The following LINGO2 variants were observed in gnomAD, a reference collection of about 807,000 sequenced individuals.
LINGO2 encodes leucine rich repeat and Ig domain containing 2.
Under a neutral mutation model 30.6 loss-of-function variants are expected in LINGO2, and 14 were observed. The ratio of observed to expected loss-of-function variants is 0.46; its 90% confidence interval spans 0.30 to 0.72. The LOEUF is 0.72. Among genes scored for constraint, LINGO2 ranks in the 30% least tolerant of loss-of-function variants. The pLI, the probability that LINGO2 is intolerant of heterozygous loss-of-function variation, is 0.07. For missense variants in LINGO2, 729 were observed against 751.7 expected (o/e 0.97, Z 0.35); for synonymous variants, 317 against 288.5 (o/e 1.10, Z -1.00).
the LINGO2 span, among the ~76,000 whole-genome samples, chr9:28,817,575 G>T: frequency 0.41 from 61,695 of 152,050 alleles, 13,526 homozygotes; most frequent in Middle Eastern, 0.52. Flanking sequence ...CAATAGCAGA[G>T]ATCTGCTTCT....
intron 4 of LINGO2, among the ~76,000 whole-genome samples, chr9:28,175,681 T>C (rs1004563642): frequency 1.3e-5 from 2 of 152,214 alleles, no homozygotes; most frequent in Non-Finnish European, 2.9e-5. Context: ...TATCCAGGAA[T>C]ATGCTTTTGC....
chr9:27,991,474 T>C (rs1040879507), intron 5 of LINGO2, among the ~76,000 whole-genome samples: 1 of 152,048 alleles, frequency 6.6e-6, no homozygotes, highest in African/African-American at 2.4e-5. Context: ...GCCAGGGCTC[T>C]TTAGGGGCAG....
the LINGO2 span, among the ~76,000 whole-genome samples, chr9:29,179,199 A>G: frequency 1.9e-4 from 17 of 88,718 alleles, no homozygotes; most frequent in South Asian, 5.1e-3. Context: ...ATATATATAT[A>G]TATGTTTCAC....
At chr9:28,992,870 T>C in the LINGO2 span, among the ~76,000 whole-genome samples, 7 of 151,828 alleles carry the variant, frequency 4.6e-5, no homozygotes, top group South Asian at 1.3e-3. Context: ...AAGCAGTGTG[T>C]AGAGGGAAAT....
the LINGO2 span, among the ~76,000 whole-genome samples, chr9:28,728,039 A>G: frequency 1.3e-5 from 2 of 152,206 alleles, no homozygotes; most frequent in African/African-American, 2.4e-5. Flanking sequence ...CTGCTGAGGT[A>G]CTACTAAGAT....
the LINGO2 span, among the ~76,000 whole-genome samples, chr9:29,130,892 G>A: frequency 6.6e-6 from 1 of 152,024 alleles, no homozygotes; most frequent in Non-Finnish European, 1.5e-5. Context: ...TCTTTCCAGG[G>A]TCAAGCCTGT....
At chr9:28,879,717 G>T in the LINGO2 span, among the ~76,000 whole-genome samples, 2 of 152,178 alleles carry the variant, frequency 1.3e-5, no homozygotes. Flanking sequence ...TGCTAAGTAT[G>T]TGTAGAAATG....
intron 1 of LINGO2, among the ~76,000 whole-genome samples, chr9:28,531,052 T>A (rs937954099): frequency 2.4e-4 from 36 of 147,386 alleles, no homozygotes; most frequent in South Asian, 4.2e-4. Flanking sequence ...AAAATAAATA[T>A]ATATATATAT....
intron 4 of LINGO2, among the ~76,000 whole-genome samples, chr9:28,273,886 A>G (rs1037265961): frequency 6.6e-6 from 1 of 152,118 alleles, no homozygotes; most frequent in Non-Finnish European, 1.5e-5. Context: ...ACTAATTTCC[A>G]TAGCAAATTT....
At chr9:29,002,595 A>C in the LINGO2 span, among the ~76,000 whole-genome samples, 5 of 152,052 alleles carry the variant, frequency 3.3e-5, no homozygotes, top group Non-Finnish European at 5.9e-5. Context: ...TGTGTTGAAC[A>C]ATCTCCTCTC....
intron 5 of LINGO2, among the ~76,000 whole-genome samples, chr9:28,011,042 G>C (rs13295765): frequency 0.7 from 106,093 of 152,092 alleles, 38,060 homozygotes; most frequent in East Asian, 0.82. Context: ...TAGTCAATTA[G>C]GTACAATAAC....
intron 5 of LINGO2, among the ~76,000 whole-genome samples, chr9:27,984,529 G>A (rs1224700467): frequency 6.6e-6 from 1 of 151,778 alleles, no homozygotes; most frequent in African/African-American, 2.4e-5. Context: ...ATAAGCCTGA[G>A]CTCTGGGCTC....
intron 4 of LINGO2, among the ~76,000 whole-genome samples, chr9:28,291,142 T>G (rs1823713383): frequency 6.6e-6 from 1 of 152,208 alleles, no homozygotes; most frequent in Non-Finnish European, 1.5e-5. Flanking sequence ...AGATATTTCC[T>G]GGCATCCTTT....
At chr9:28,741,174 C>T in the LINGO2 span, among the ~76,000 whole-genome samples, 1 of 151,934 alleles carries the variant, frequency 6.6e-6, no homozygotes, top group African/African-American at 2.4e-5. Context: ...CTGAGATAGA[C>T]CTGGATTGTG....
Position 28,117,685 on chromosome 9 carries a change from C to A in LINGO2, c.-86-105280G>T, listed in dbSNP as rs374933652. On this transcript the variant is annotated intron_variant, in intron 4 of 5. Transcript: ENST00000379992. ...AGTGACCCGATTTTCCAGGTGCGTC[C>A]GTCACCCCTTTCTTTGACTCGGAAA... Among the ~76,000 whole-genome samples the A allele has an allele frequency of 9.1e-3, 1,260 of 138,952 alleles. 26 individuals are homozygous for A. The highest frequency in any genetic ancestry group is 0.031 in the African/African-American group (1,145 of 36,574). The allele number at this position is 138,952 out of a possible 152,430, so 91.2% of individuals were successfully genotyped here. A position where few individuals can be genotyped will look rare whatever the true frequency, so the allele number is the denominator to read the frequency against.
intron 5 of LINGO2, among the ~76,000 whole-genome samples, chr9:27,963,649 C>T (rs1481740064): frequency 6.7e-6 from 1 of 148,832 alleles, no homozygotes; most frequent in Non-Finnish European, 1.5e-5. Context: ...AACCTTCTGA[C>T]AATCTATAAG....
chr9:28,395,140 C>T (rs1564172573), intron 2 of LINGO2, among the ~76,000 whole-genome samples: 1 of 152,126 alleles, frequency 6.6e-6, no homozygotes, highest in Non-Finnish European at 1.5e-5. Context: ...TCCCAGCCCA[C>T]CATCAAAACT....
chr9:28,162,048 A>G (rs1564010523), intron 4 of LINGO2, among the ~76,000 whole-genome samples: 2 of 152,174 alleles, frequency 1.3e-5, no homozygotes, highest in Non-Finnish European at 2.9e-5. Flanking sequence ...TTGAAATTTT[A>G]TCTTATATTC....
the LINGO2 span, among the ~76,000 whole-genome samples, chr9:28,823,068 A>G: frequency 6.6e-6 from 1 of 152,306 alleles, no homozygotes; most frequent in Admixed American, 6.5e-5. Context: ...AGAAAAGTAA[A>G]TTGGGACTGA....
Sources: allele counts gnomAD v4.1 joint callset (sites outside exome capture counted in the v4.1 genomes callset), GRCh38; gene constraint gnomAD v4.1.1; transcripts MANE v1.5; gene names NCBI Gene and HGNC (gene_info 2026-07-23, HGNC 2026-07-21).